SNTG1: variants seen among roughly 807,000 people sequenced by gnomAD.
The protein encoded by SNTG1 is syntrophin gamma 1.
Under a neutral mutation model 74.7 loss-of-function variants are expected in SNTG1, and 39 were observed. The ratio of observed to expected loss-of-function variants is 0.52; its 90% CI spans 0.40 to 0.68. The LOEUF is 0.68. SNTG1 is among the 30% of genes least tolerant of loss of function. The pLI, the probability that SNTG1 is intolerant of heterozygous loss-of-function variation, is 0.00. For missense variants in SNTG1, 685 were observed against 609.5 expected, an observed-to-expected ratio of 1.12 and a Z score of -1.30; for synonymous variants, 254 against 217.1, an observed-to-expected ratio of 1.17 and a Z score of -1.49.
At chr8:50,342,946 C>G (rs963944138) in intron 2 of SNTG1, among the ~76,000 whole-genome samples, 2 of 152,088 alleles carry the variant, frequency 1.3e-5, no homozygotes, top group African/African-American at 4.8e-5. Flanking sequence ...ACTGACAAAT[C>G]CACCAGTATC....
intron 1 of SNTG1, among the ~76,000 whole-genome samples, chr8:49,982,105 C>T (rs1812732539): frequency 6.6e-6 from 1 of 152,062 alleles, no homozygotes; most frequent in South Asian, 2.1e-4. Flanking sequence ...CTTATGTCTC[C>T]TTTAAGTTAA....
At chr8:50,632,878 C>T (rs2095011811) in intron 13 of SNTG1, among the ~76,000 whole-genome samples, 2 of 152,122 alleles carry the variant, frequency 1.3e-5, no homozygotes, top group Non-Finnish European at 2.9e-5. Flanking sequence ...AATAAAGGTC[C>T]TTTGTCTCTG....
chr8:50,380,112 G>T (rs926306810), intron 2 of SNTG1, among the ~76,000 whole-genome samples: 4 of 152,192 alleles, frequency 2.6e-5, no homozygotes, highest in Non-Finnish European at 4.4e-5. Context: ...TCTGAGTTAT[G>T]CCACTATTAT....
intron 2 of SNTG1, among the ~76,000 whole-genome samples, chr8:50,359,155 C>T (rs577993639): frequency 6.6e-6 from 1 of 152,280 alleles, no homozygotes; most frequent in South Asian, 2.1e-4. Flanking sequence ...GGTAGATGCA[C>T]ATAAAAATTT....
intron 9 of SNTG1, among the ~76,000 whole-genome samples, chr8:50,510,125 G>A (rs550072688): frequency 2.0e-5 from 3 of 152,200 alleles, no homozygotes; most frequent in East Asian, 3.9e-4. Context: ...TTAGCATGAA[G>A]GGTTGTTGAA....
intron 1 of SNTG1, among the ~76,000 whole-genome samples, chr8:50,068,240 GA>G (rs1372960101): frequency 6.6e-6 from 1 of 152,126 alleles, no homozygotes; most frequent in Admixed American, 6.5e-5. Flanking sequence ...GCCGGACTGA[GA>G]GAGGCTCTGG....
At chr8:50,435,852 T>G (rs2093296125) in intron 4 of SNTG1, among the ~76,000 whole-genome samples, 1 of 152,202 alleles carries the variant, frequency 6.6e-6, no homozygotes, top group African/African-American at 2.4e-5. Flanking sequence ...CTTTTCTGCA[T>G]CAGCAGTTTT....
rs1308999913 is a variant in SNTG1 at position 49,947,923 on chromosome 8, G to A, written c.-103+35692G>A. Among the ~76,000 whole-genome samples, 3 of 152,150 alleles carry A rather than the reference G, an allele frequency of 2.0e-5. No homozygotes were observed. In the South Asian group the frequency reaches 6.2e-4, roughly 32 times the overall value. On this transcript the variant is annotated intron_variant, in intron 1 of 18. Coordinates refer to ENST00000642720, the MANE Select transcript of SNTG1 (RefSeq NM_018967.5). ...AGGTTGGCAGATCACATGAGGTAAG[G>A]AGTTCGAGAACAGCCTGGCCAACAT... is the stretch of plus-strand genomic sequence containing the variant.
At chr8:50,224,093 A>T (rs912364669) in intron 2 of SNTG1, among the ~76,000 whole-genome samples, 3 of 152,186 alleles carry the variant, frequency 2.0e-5, no homozygotes, top group African/African-American at 7.2e-5. Flanking sequence ...ATTATATAAT[A>T]TGCATAATAA....
At chr8:50,469,487 A>T (rs1004081628) in intron 8 of SNTG1, among the ~76,000 whole-genome samples, 2 of 152,110 alleles carry the variant, frequency 1.3e-5, no homozygotes, top group African/African-American at 4.8e-5. Context: ...CAAAGTCATT[A>T]TCTGGGCTTC....
intron 1 of SNTG1, among the ~76,000 whole-genome samples, chr8:50,146,144 A>G (rs1031706792): frequency 6.6e-6 from 1 of 151,990 alleles, no homozygotes; most frequent in African/African-American, 2.4e-5. Flanking sequence ...AGAGTATCCA[A>G]TTTGTGTGTG....
rs183733325 is a variant in SNTG1, at chr8:50,694,362, C to T, written c.1039-10238C>T. ...GAAGAAATGAATACATTCTGGGACA[C>T]ATACAACCTACTAAGAGTAAATGCT... On this transcript the variant is annotated intron_variant, in intron 15 of 18. Transcript: ENST00000642720. Among the ~76,000 whole-genome samples the T allele has an allele frequency of 2.2e-3, 331 of 151,998 alleles. 2 individuals carry two copies. The highest frequency in any genetic ancestry group is 7.6e-3 in the African/African-American group (314 of 41,508).
At chr8:50,345,114 C>A (rs2091433871) in intron 2 of SNTG1, among the ~76,000 whole-genome samples, 1 of 152,126 alleles carries the variant, frequency 6.6e-6, no homozygotes, top group Non-Finnish European at 1.5e-5. Context: ...TTGGTTGAGC[C>A]ACCCAGCCTG....
At chr8:50,194,800 C>T (rs570883119) in intron 2 of SNTG1, among the ~76,000 whole-genome samples, 2 of 152,118 alleles carry the variant, frequency 1.3e-5, no homozygotes, top group East Asian at 1.9e-4. Context: ...GATGTAGGCA[C>T]TTAGGGCTAT....
At chr8:50,753,825 G>T (rs28609465) in intron 18 of SNTG1, among the ~76,000 whole-genome samples, 2 of 151,874 alleles carry the variant, frequency 1.3e-5, no homozygotes, top group African/African-American at 4.8e-5. Context: ...TAATGAGACT[G>T]TGACATTTGG....
chr8:50,308,376 G>A (rs1449883969), intron 2 of SNTG1, among the ~76,000 whole-genome samples: 1 of 151,910 alleles, frequency 6.6e-6, no homozygotes, highest in Admixed American at 6.6e-5. Context: ...AGACGCTAAT[G>A]CCATGCAAGG....
chr8:49,927,459 A>G (rs1442850239), intron 1 of SNTG1, among the ~76,000 whole-genome samples: 1 of 152,190 alleles, frequency 6.6e-6, no homozygotes, highest in Non-Finnish European at 1.5e-5. Flanking sequence ...AAAGACATGG[A>G]CTATATGTGA....
intron 18 of SNTG1, among the ~76,000 whole-genome samples, chr8:50,773,157 G>C (rs2095631625): frequency 6.6e-6 from 1 of 152,046 alleles, no homozygotes; most frequent in Non-Finnish European, 1.5e-5. Context: ...TGGAAAAATT[G>C]CTAACCTAAG....
intron 1 of SNTG1, among the ~76,000 whole-genome samples, chr8:50,004,404 G>A (rs1319032651): frequency 1.3e-5 from 2 of 152,048 alleles, no homozygotes; most frequent in African/African-American, 2.4e-5. Context: ...AGGAGAGAGA[G>A]GACAATGGTA....
Sources: gnomAD v4.1 joint callset for allele counts (sites outside exome capture counted in the v4.1 genomes callset) on GRCh38, gnomAD v4.1.1 for gene constraint, MANE v1.5 for transcripts, NCBI Gene and HGNC (gene_info 2026-07-23, HGNC 2026-07-21) for gene names.